The following PTPRT variants were observed in gnomAD, a reference collection of about 807,000 sequenced individuals.
PTPRT encodes the protein receptor-type tyrosine-protein phosphatase T.
PTPRT carries 56 observed loss-of-function variants against 176.8 expected under a neutral mutation model. That is an observed-to-expected ratio of 0.32 (90% confidence interval 0.26 to 0.40). The LOEUF (loss-of-function observed/expected upper bound fraction) is 0.40, where lower values mean the gene tolerates loss of function less well. Ranked by LOEUF, PTPRT falls within the 10% of genes least tolerant of loss-of-function variation. PTPRT has a pLI of 1.00. For missense variants in PTPRT, 1,540 were observed against 1,908.2 expected, an observed-to-expected ratio of 0.81 and a Z score of 3.60; for synonymous variants, 783 against 739.0, an observed-to-expected ratio of 1.06 and a Z score of -0.96.
At chr20:42,603,838 C>G (rs546421246) in intron 7 of PTPRT, among the ~76,000 whole-genome samples, 69 of 152,286 alleles carry the variant, frequency 4.5e-4, no homozygotes, top group African/African-American at 1.7e-3. Flanking sequence ...TTGGCGCAAA[C>G]AGTGAGTCAT....
chr20:42,581,887 G>A (rs1182573590), intron 7 of PTPRT, among the ~76,000 whole-genome samples: 2 of 152,124 alleles, frequency 1.3e-5, no homozygotes, highest in Non-Finnish European at 2.9e-5. Context: ...AGCATTACTG[G>A]GCAATTGACA....
chr20:43,184,555 C>T (rs949359341), intron 1 of PTPRT, among the ~76,000 whole-genome samples: 2 of 152,042 alleles, frequency 1.3e-5, no homozygotes, highest in Admixed American at 6.6e-5. Context: ...GGCATGGTGG[C>T]GTGCACCTAT....
At chr20:42,804,636 G>C (rs1236735564) in intron 2 of PTPRT, among the ~76,000 whole-genome samples, 1 of 152,258 alleles carries the variant, frequency 6.6e-6, no homozygotes, top group Non-Finnish European at 1.5e-5. Context: ...TCGTCTCACA[G>C]TCCTGGAGGC....
intron 2 of PTPRT, among the ~76,000 whole-genome samples, chr20:42,849,603 G>A (rs1457708519): frequency 6.6e-6 from 1 of 152,086 alleles, no homozygotes; most frequent in Admixed American, 6.5e-5. Flanking sequence ...ATCAGCCCTG[G>A]GGGCCACAAC....
chr20:43,083,351 T>TATATATATATATATATATATATATAC (rs2011511581), intron 1 of PTPRT, among the ~76,000 whole-genome samples: 1 of 114,290 alleles, frequency 8.7e-6, no homozygotes, highest in Non-Finnish European at 1.8e-5. Context: ...TATATATATA[T>TATATATATATATATATATATATATAC]ATATATATAT....
intron 13 of PTPRT, among the ~76,000 whole-genome samples, chr20:42,272,737 A>G (rs1157578390): frequency 6.6e-6 from 1 of 152,116 alleles, no homozygotes; most frequent in Non-Finnish European, 1.5e-5. Flanking sequence ...ACACACACAC[A>G]CACACACACA....
chr20:42,376,138 G>A (rs1017130481), intron 9 of PTPRT, among the ~76,000 whole-genome samples: 7 of 152,170 alleles, frequency 4.6e-5, no homozygotes, highest in African/African-American at 1.7e-4. Context: ...TGTGATGAAC[G>A]GGACTAAAAA....
At chr20:43,114,694 T>C (rs2012988796) in intron 1 of PTPRT, among the ~76,000 whole-genome samples, 1 of 152,202 alleles carries the variant, frequency 6.6e-6, no homozygotes, top group Non-Finnish European at 1.5e-5. Flanking sequence ...TTTCTGTTGC[T>C]TTTTTGAGAA....
chr20:42,910,887 A>G (rs2079535188), intron 1 of PTPRT, among the ~76,000 whole-genome samples: 2 of 152,200 alleles, frequency 1.3e-5, no homozygotes, highest in Non-Finnish European at 2.9e-5. Context: ...GGCCTCAAAA[A>G]ACTTATAATC....
chr20:42,345,584 G>A (rs6124444), intron 11 of PTPRT, among the ~76,000 whole-genome samples: 12 of 24,582 alleles, frequency 4.9e-4, no homozygotes, highest in East Asian at 3.7e-3. Context: ...ACATATATAT[G>A]TGTGTGTGTG....
At chr20:42,273,971 C>T (rs1423206347) in intron 13 of PTPRT, among the ~76,000 whole-genome samples, 2 of 152,186 alleles carry the variant, frequency 1.3e-5, no homozygotes, top group Admixed American at 1.3e-4. Flanking sequence ...AGAGGGACAG[C>T]TGGATAAATG....
chr20:43,077,091 A>G (rs2011298484), intron 1 of PTPRT, among the ~76,000 whole-genome samples: 1 of 152,224 alleles, frequency 6.6e-6, no homozygotes, highest in South Asian at 2.1e-4. Context: ...GCCCCAGCCC[A>G]CTTTTTAATT....
At chr20:42,115,705 T>C (rs1186092375) in intron 21 of PTPRT, among the ~76,000 whole-genome samples, 1 of 152,256 alleles carries the variant, frequency 6.6e-6, no homozygotes, top group Non-Finnish European at 1.5e-5. Flanking sequence ...TGTGGCCAGT[T>C]TGGGGACTGA....
At chr20:42,976,312 C>T (rs1158333046) in intron 1 of PTPRT, among the ~76,000 whole-genome samples, 1 of 152,172 alleles carries the variant, frequency 6.6e-6, no homozygotes, top group Non-Finnish European at 1.5e-5. Context: ...TTAATGAATA[C>T]AGGCAACCAA....
chr20:42,992,767 T>C (rs1315073945), intron 1 of PTPRT, among the ~76,000 whole-genome samples: 1 of 152,160 alleles, frequency 6.6e-6, no homozygotes, highest in Admixed American at 6.5e-5. Context: ...AGTTCTGGCT[T>C]GATGTCACTG....
chr20:42,647,613 C>T (rs1364257164), intron 7 of PTPRT, among the ~76,000 whole-genome samples: 1 of 152,162 alleles, frequency 6.6e-6, no homozygotes, highest in African/African-American at 2.4e-5. Context: ...CCTAGGTCTC[C>T]ACTCTCAGCC....
chr20:42,917,134 T>A (rs1389591572), intron 1 of PTPRT, among the ~76,000 whole-genome samples: 5 of 152,224 alleles, frequency 3.3e-5, no homozygotes, highest in African/African-American at 1.2e-4. Context: ...GAATTAATTT[T>A]TGTATAAGGT....
At chr20:42,932,450 G>A (rs180991891) in intron 1 of PTPRT, among the ~76,000 whole-genome samples, 7 of 152,314 alleles carry the variant, frequency 4.6e-5, no homozygotes, top group African/African-American at 1.7e-4. Flanking sequence ...CAGAAGAAGA[G>A]CTCCAAAAGT....
At chr20:42,136,000 G>A (rs1022153164) in intron 18 of PTPRT, among the ~76,000 whole-genome samples, 9 of 151,810 alleles carry the variant, frequency 5.9e-5, no homozygotes, top group South Asian at 2.1e-4. Flanking sequence ...ATGGCCACCC[G>A]AGAGAGAGGG....
Sources: allele counts gnomAD v4.1 joint callset (sites outside exome capture counted in the v4.1 genomes callset), GRCh38; gene constraint gnomAD v4.1.1; transcripts MANE v1.5; gene names NCBI Gene and HGNC (gene_info 2026-07-23, HGNC 2026-07-21).